ERC2: variants seen among roughly 807,000 people sequenced by gnomAD.
ERC2 encodes ERC protein 2.
A neutral mutation model predicts 114.8 loss-of-function variants in ERC2; 42 were observed. That is an observed-to-expected ratio of 0.37 (90% CI 0.29 to 0.47). ERC2 has a LOEUF of 0.47. Among genes scored for constraint, ERC2 ranks in the 20% least tolerant of loss-of-function variants. ERC2 has a pLI of 0.99. For missense variants in ERC2, 939 were observed against 1,150.7 expected (o/e 0.82, Z 2.66); for synonymous variants, 454 against 425.5 (o/e 1.07, Z -0.82).
At chr3:56,430,448 T>G (rs2061743905) in intron 2 of ERC2, among the ~76,000 whole-genome samples, 1 of 152,290 alleles carries the variant, frequency 6.6e-6, no homozygotes, top group South Asian at 2.1e-4. Context: ...TCCAAAGAGT[T>G]AGATGTCCAT....
chr3:55,693,606 T>TG (rs1183372859), intron 16 of ERC2, among the ~76,000 whole-genome samples: 2 of 151,090 alleles, frequency 1.3e-5, no homozygotes, highest in African/African-American at 4.9e-5. Flanking sequence ...ACAGGTAAAA[T>TG]GGGGGGAAAT....
intron 7 of ERC2, among the ~76,000 whole-genome samples, chr3:56,056,210 A>C (rs1054239120): frequency 1.3e-5 from 2 of 152,198 alleles, no homozygotes; most frequent in Non-Finnish European, 2.9e-5. Flanking sequence ...GCTTTTGAAC[A>C]CCTGTCCCTA....
At chr3:55,979,094 C>G (rs1281115632) in intron 12 of ERC2, among the ~76,000 whole-genome samples, 1 of 152,176 alleles carries the variant, frequency 6.6e-6, no homozygotes, top group Non-Finnish European at 1.5e-5. Flanking sequence ...ATAACCAACT[C>G]ATTCTCTCCA....
intron 17 of ERC2, among the ~76,000 whole-genome samples, chr3:55,560,468 C>T (rs1160801501): frequency 3.3e-5 from 5 of 152,150 alleles, no homozygotes; most frequent in Non-Finnish European, 7.4e-5. Flanking sequence ...TTGCACTACC[C>T]AGAGAGAAAC....
chr3:56,040,064 C>CT (rs2075038264), intron 7 of ERC2, among the ~76,000 whole-genome samples: 1 of 152,024 alleles, frequency 6.6e-6, no homozygotes, highest in Admixed American at 6.6e-5. Flanking sequence ...AAGGAAAAAG[C>CT]TTTTTGACAT....
intron 3 of ERC2, among the ~76,000 whole-genome samples, chr3:56,209,625 A>G (rs1009583447): frequency 6.6e-5 from 10 of 152,200 alleles, no homozygotes; most frequent in Non-Finnish European, 1.0e-4. Flanking sequence ...AGGGATTCAG[A>G]AGGAAGAGCA....
chr3:55,868,014 T>C (rs1029136723), intron 14 of ERC2, among the ~76,000 whole-genome samples: 1 of 152,208 alleles, frequency 6.6e-6, no homozygotes, highest in African/African-American at 2.4e-5. Flanking sequence ...TCATCTAGCA[T>C]AGATAATTTT....
At chr3:55,590,917 C>T (rs1353005523) in intron 17 of ERC2, among the ~76,000 whole-genome samples, 1 of 152,130 alleles carries the variant, frequency 6.6e-6, no homozygotes, top group African/African-American at 2.4e-5. Context: ...CTGCCTCTGC[C>T]TCCCGGGTTC....
intron 15 of ERC2, among the ~76,000 whole-genome samples, chr3:55,713,096 T>TC (rs2063861266): frequency 2.2e-5 from 3 of 135,032 alleles, no homozygotes; most frequent in East Asian, 2.1e-4. Context: ...TCCTCTGCCA[T>TC]TCTCTCTCTC....
intron 17 of ERC2, among the ~76,000 whole-genome samples, chr3:55,578,619 T>A (rs1296019833): frequency 8.5e-5 from 13 of 152,270 alleles, no homozygotes; most frequent in Non-Finnish European, 1.6e-4. Context: ...CTGTATTAGT[T>A]AGCTATTGCT....
At chr3:55,955,540 G>A (rs2067895772) in intron 12 of ERC2, among the ~76,000 whole-genome samples, 1 of 152,020 alleles carries the variant, frequency 6.6e-6, no homozygotes, top group Non-Finnish European at 1.5e-5. Flanking sequence ...AAAGGTTTGA[G>A]ATTTATTATT....
chr3:56,326,023 G>A (rs2057346357), intron 2 of ERC2, among the ~76,000 whole-genome samples: 1 of 152,200 alleles, frequency 6.6e-6, no homozygotes, highest in East Asian at 1.9e-4. Context: ...CAAGCTCCAT[G>A]TCACGTGGCC....
At chr3:55,793,241 A>C (rs1325810734) in intron 14 of ERC2, among the ~76,000 whole-genome samples, 2 of 152,186 alleles carry the variant, frequency 1.3e-5, no homozygotes, top group African/African-American at 4.8e-5. Context: ...ATTTTTAATA[A>C]TACAAATTGA....
chr3:55,865,296 C>T (rs568792819), intron 14 of ERC2, among the ~76,000 whole-genome samples: 3 of 152,094 alleles, frequency 2.0e-5, no homozygotes, highest in East Asian at 1.9e-4. Flanking sequence ...TACATTCCTT[C>T]GATGCTGAGC....
intron 2 of ERC2, among the ~76,000 whole-genome samples, chr3:56,340,537 A>AATGTGTGTGT (rs1437422621): frequency 1.2e-4 from 9 of 74,156 alleles, no homozygotes; most frequent in African/African-American, 3.6e-4. Flanking sequence ...AGAGAGAGAG[A>AATGTGTGTGT]GTGAATGTGT....
At chr3:55,800,268 C>T (rs745486057) in intron 14 of ERC2, among the ~76,000 whole-genome samples, 4 of 152,010 alleles carry the variant, frequency 2.6e-5, no homozygotes, top group Admixed American at 2.0e-4. Context: ...AGCCTCCTAC[C>T]GAGTAGCTGG....
chr3:56,339,254 G>C (rs916438992), intron 2 of ERC2, among the ~76,000 whole-genome samples: 1 of 152,146 alleles, frequency 6.6e-6, no homozygotes, highest in Non-Finnish European at 1.5e-5. Flanking sequence ...CAGAAGTGGC[G>C]CACCTTAACC....
At chr3:55,749,174 G>T (rs1001888659) in intron 14 of ERC2, among the ~76,000 whole-genome samples, 1 of 152,180 alleles carries the variant, frequency 6.6e-6, no homozygotes. Flanking sequence ...CTGTAAAAGA[G>T]GCCCCCAGGC....
chr3:56,103,564 G>C (rs780476058), intron 6 of ERC2, among the ~76,000 whole-genome samples: 1 of 152,020 alleles, frequency 6.6e-6, no homozygotes, highest in Non-Finnish European at 1.5e-5. Context: ...TGACGCCCAG[G>C]GACATTTGGC....
Sources: allele counts gnomAD v4.1 joint callset (sites outside exome capture counted in the v4.1 genomes callset), GRCh38; gene constraint gnomAD v4.1.1; transcripts MANE v1.5; gene names NCBI Gene and HGNC (gene_info 2026-07-23, HGNC 2026-07-21).